The following AGBL4 variants were observed in gnomAD, a reference collection of about 807,000 sequenced individuals.
AGBL4 encodes AGBL carboxypeptidase 4.
In AGBL4, 58 loss-of-function variants were observed where a neutral mutation model predicts 66.4. The observed-to-expected ratio is 0.87, with a 90% CI of 0.71 to 1.09. The LOEUF is 1.09. Among genes scored for constraint, AGBL4 ranks in the 50% least tolerant of loss-of-function variants. The pLI is 0.00. For missense variants in AGBL4, 579 were observed against 631.0 expected (o/e 0.92, Z 0.88); for synonymous variants, 234 against 222.9 (o/e 1.05, Z -0.44).
At chr1:49,584,839 CTGT>C (rs1164462987) in intron 3 of AGBL4, among the ~76,000 whole-genome samples, 2 of 152,154 alleles carry the variant, frequency 1.3e-5, no homozygotes, top group East Asian at 1.9e-4. Context: ...GAAGTAGCTG[CTGT>C]TGTTATTTCT....
intron 4 of AGBL4, among the ~76,000 whole-genome samples, chr1:49,197,775 A>G (rs954733778): frequency 2.0e-5 from 3 of 152,184 alleles, no homozygotes; most frequent in African/African-American, 7.2e-5. Flanking sequence ...TCAGGCAAAT[A>G]TCTTCCTTCT....
intron 3 of AGBL4, among the ~76,000 whole-genome samples, chr1:49,635,386 A>T (rs1396142828): frequency 6.6e-6 from 1 of 152,208 alleles, no homozygotes; most frequent in East Asian, 1.9e-4. Flanking sequence ...AAGGTAAAAT[A>T]ACTCATTAAT....
At chr1:48,901,626 T>A (rs1372461440) in intron 5 of AGBL4, among the ~76,000 whole-genome samples, 1 of 152,154 alleles carries the variant, frequency 6.6e-6, no homozygotes, top group Non-Finnish European at 1.5e-5. Flanking sequence ...AAAGCATACA[T>A]ATTGTATAAT....
At chr1:49,688,618 G>T (rs889006204) in intron 3 of AGBL4, among the ~76,000 whole-genome samples, 6 of 152,032 alleles carry the variant, frequency 3.9e-5, no homozygotes, top group Admixed American at 6.6e-5. Context: ...GGATCATTTG[G>T]TAGCTCTACA....
intron 3 of AGBL4, among the ~76,000 whole-genome samples, chr1:49,446,212 G>C (rs1387128554): frequency 2.0e-5 from 3 of 152,134 alleles, no homozygotes; most frequent in Non-Finnish European, 4.4e-5. Flanking sequence ...TATATTGCTA[G>C]AGAATTGTTA....
intron 3 of AGBL4, among the ~76,000 whole-genome samples, chr1:49,631,556 T>A (rs1645569704): frequency 6.6e-6 from 1 of 152,152 alleles, no homozygotes; most frequent in South Asian, 2.1e-4. Context: ...GATGAAATCC[T>A]CATTTGTGTG....
intron 2 of AGBL4, among the ~76,000 whole-genome samples, chr1:49,830,575 A>T (rs1028666286): frequency 1.3e-5 from 2 of 152,118 alleles, no homozygotes; most frequent in Non-Finnish European, 2.9e-5. Flanking sequence ...CACTCTGATG[A>T]TAGTTTCCTT....
intron 2 of AGBL4, among the ~76,000 whole-genome samples, chr1:49,770,832 G>A (rs1644035758): frequency 6.6e-6 from 1 of 151,970 alleles, no homozygotes; most frequent in South Asian, 2.1e-4. Context: ...ATGATCCTTT[G>A]TATTTCTGTG....
intron 2 of AGBL4, among the ~76,000 whole-genome samples, chr1:49,844,028 C>T (rs1646072463): frequency 6.6e-6 from 1 of 152,156 alleles, no homozygotes; most frequent in African/African-American, 2.4e-5. Context: ...GACAGAAACT[C>T]CTACTCTCAG....
intron 5 of AGBL4, among the ~76,000 whole-genome samples, chr1:48,968,736 A>C (rs114718705): frequency 0.01 from 1,559 of 152,106 alleles, 23 homozygotes; most frequent in African/African-American, 0.036. Flanking sequence ...TAGCCTCCCA[A>C]ATTTTCTACC....
intron 3 of AGBL4, among the ~76,000 whole-genome samples, chr1:49,561,351 TGCACAACATGC>T (rs1644036412): frequency 6.6e-6 from 1 of 151,894 alleles, no homozygotes; most frequent in South Asian, 2.1e-4. Flanking sequence ...AGGGTACATG[TGCACAACATGC>T]AGGTTACATA....
intron 6 of AGBL4, among the ~76,000 whole-genome samples, chr1:48,715,236 GC>G (rs1475403661): frequency 5.9e-5 from 9 of 152,034 alleles, no homozygotes; most frequent in African/African-American, 2.2e-4. Context: ...CCCTCCTCGG[GC>G]CCAGCTCTCA....
chr1:49,311,515 T>C (rs970282978), intron 3 of AGBL4, among the ~76,000 whole-genome samples: 4 of 152,010 alleles, frequency 2.6e-5, no homozygotes, highest in African/African-American at 9.7e-5. Context: ...ACTTTATGCC[T>C]AATAGCAACA....
intron 4 of AGBL4, among the ~76,000 whole-genome samples, chr1:49,076,962 G>A (rs1644720642): frequency 6.6e-6 from 1 of 152,112 alleles, no homozygotes; most frequent in Admixed American, 6.6e-5. Context: ...GAAACTTCAA[G>A]CTTTAAGGAA....
chr1:49,966,941 T>C (rs1657613408), intron 1 of AGBL4, among the ~76,000 whole-genome samples: 1 of 152,158 alleles, frequency 6.6e-6, no homozygotes, highest in Non-Finnish European at 1.5e-5. Flanking sequence ...TCTTTGCTAT[T>C]GTGAATAGTG....
intron 5 of AGBL4, among the ~76,000 whole-genome samples, chr1:48,895,491 A>G (rs923093546): frequency 1.3e-5 from 2 of 152,226 alleles, no homozygotes; most frequent in African/African-American, 4.8e-5. Flanking sequence ...AACATCCTCA[A>G]TCATTTCTGG....
chr1:48,707,704 G>A (rs535148490), intron 6 of AGBL4, among the ~76,000 whole-genome samples: 36 of 152,244 alleles, frequency 2.4e-4, no homozygotes, highest in South Asian at 6.2e-4. Flanking sequence ...TCTCTACAGC[G>A]GCTGATGGGA....
At chr1:49,384,517 T>C (rs1354052783) in intron 3 of AGBL4, among the ~76,000 whole-genome samples, 2 of 151,926 alleles carry the variant, frequency 1.3e-5, no homozygotes, top group Admixed American at 1.3e-4. Context: ...TGCTGGAACC[T>C]GGGAGGCGGA....
At chr1:49,807,909 A>C (rs1324046202) in intron 2 of AGBL4, among the ~76,000 whole-genome samples, 1 of 152,238 alleles carries the variant, frequency 6.6e-6, no homozygotes, top group Non-Finnish European at 1.5e-5. Flanking sequence ...GTGAGGGCAC[A>C]GTGAGAGGGC....
Sources: allele counts gnomAD v4.1 joint callset (sites outside exome capture counted in the v4.1 genomes callset), GRCh38; gene constraint gnomAD v4.1.1; transcripts MANE v1.5; gene names NCBI Gene and HGNC (gene_info 2026-07-23, HGNC 2026-07-21).